The following MAST2 variants were observed in gnomAD, a reference collection of about 807,000 sequenced individuals.
MAST2 encodes the protein microtubule-associated serine/threonine-protein kinase 2.
Under a neutral mutation model 147.4 loss-of-function variants are expected in MAST2, and 70 were observed. That is an observed-to-expected ratio of 0.47 (90% CI 0.39 to 0.58). The LOEUF (loss-of-function observed/expected upper bound fraction) is 0.58. MAST2 is among the 20% of genes least tolerant of loss of function. The pLI, the probability that MAST2 is intolerant of heterozygous loss-of-function variation, is 0.00. For missense variants in MAST2, 2,080 were observed against 2,302.3 expected (o/e 0.90, Z 1.98); for synonymous variants, 869 against 896.8 (o/e 0.97, Z 0.55).
intron 19 of MAST2, 79 bp from the exon 20 acceptor site, chr1:46,029,752 C>G (rs1646562924): frequency 6.4e-7 from 1 of 1,555,238 alleles, no homozygotes; most frequent in African/African-American, 1.4e-5. Context: ...TTCTGAAGGT[C>G]TGGCTTCTTG....
In MAST2 at chr1:45,896,644, G is replaced by C. The variant is rs549901075; in HGVS notation, c.500+14249G>C. Reference sequence around the variant, plus strand: ...TTAAAGTGAAAGGAGAGCTGGAGAAGGTCAGAGGCCTGCCCCTGAGGCCTA... The same window carrying C: ...TTAAAGTGAAAGGAGAGCTGGAGAACGTCAGAGGCCTGCCCCTGAGGCCTA... On this transcript the variant is annotated intron_variant, in intron 4 of 28. Coordinates refer to ENST00000361297, the MANE Select transcript of MAST2 (RefSeq NM_015112.3). Among the ~76,000 whole-genome samples, 220 of 152,300 alleles carry C rather than the reference G, an allele frequency of 1.4e-3. 2 individuals are homozygous for C. Among genetic ancestry groups the C allele is most frequent in the Non-Finnish European group, 1.7e-3 (116 of 68,026 alleles).
At chr1:45,849,896 G>A (rs1187437988) in intron 3 of MAST2, among the ~76,000 whole-genome samples, 1 of 152,192 alleles carries the variant, frequency 6.6e-6, no homozygotes, top group Admixed American at 6.5e-5. Flanking sequence ...ATTGTGAATA[G>A]TGCTGTGATT....
At chr1:46,027,918 G>C in intron 17 of MAST2, 55 bp downstream of exon 17, 3 of 1,601,252 alleles carry the variant, frequency 1.9e-6, no homozygotes, top group Non-Finnish European at 2.6e-6. Context: ...TTGTCCTGGC[G>C]CAGTGTCTTA....
intron 4 of MAST2, among the ~76,000 whole-genome samples, chr1:45,898,267 C>CA (rs1415472498): frequency 1.3e-5 from 2 of 152,212 alleles, no homozygotes; most frequent in Non-Finnish European, 2.9e-5. Context: ...GAAAAAGTCC[C>CA]ACGTTAAGTA....
At chr1:46,009,032 T>C (rs1243643867) in intron 9 of MAST2, among the ~76,000 whole-genome samples, 6 of 152,188 alleles carry the variant, frequency 3.9e-5, no homozygotes, top group Non-Finnish European at 7.3e-5. Flanking sequence ...TATATGGAAC[T>C]AGGATCTTGT....
intron 4 of MAST2, among the ~76,000 whole-genome samples, chr1:45,886,880 G>A (rs868067872): frequency 6.6e-6 from 1 of 151,654 alleles, no homozygotes; most frequent in Non-Finnish European, 1.5e-5. Context: ...AGGCTGGAGT[G>A]CAGTGGCGCA....
intron 15 of MAST2, among the ~76,000 whole-genome samples, chr1:46,025,300 C>T (rs1218396810): frequency 6.6e-6 from 1 of 151,474 alleles, no homozygotes; most frequent in Admixed American, 6.6e-5. Context: ...GCCTGGGTGA[C>T]AGAGCAAGAC....
In MAST2 at chr1:45,997,605, G is replaced by C. The variant is rs184436540; in HGVS notation, c.593-119G>C. The C allele has an allele frequency of 4.3e-5, 32 of 743,320 alleles. No individual in the cohort carries two copies. The East Asian group carries it at 8.0e-4, about 18-fold the overall frequency. The allele number at this position is 743,320 out of a possible 1,614,324, so 46.0% of individuals were successfully genotyped here. ...GAAAGAGACTCATTAAACTGATAGT[G>C]GCCCTGAGAAAATAACCATATAATT... On this transcript the variant is annotated intron_variant, in intron 5 of 28. Coordinates refer to ENST00000361297, the MANE Select transcript of MAST2 (RefSeq NM_015112.3).
chr1:46,030,727 C>T lies in MAST2; in HGVS notation c.2674C>T (p.Arg892Ter), dbSNP rs2149333654. Residue 892 changes from arginine (R) to a stop codon, truncating the protein, a stop_gained, in exon 22 of 29, where the codon CGA becomes TGA. Coordinates refer to ENST00000361297, the MANE Select transcript of MAST2 (RefSeq NM_015112.3). LOFTEE classifies it high-confidence loss of function. ...AGATGGCCTGGCAGGGCTCAAAGGCCGAGACCGGAGCTGGGTGATTGGCTC... is the reference window on the plus strand; with the variant it reads ...AGATGGCCTGGCAGGGCTCAAAGGCTGAGACCGGAGCTGGGTGATTGGCTC... Reference protein sequence around the residue: ...HSDGLAGLKGRDRSWVIGSPE... With the variant: ...HSDGLAGLKG 2.5e-6 allele frequency: 4 copies of T among 1,596,640 alleles called. No homozygotes were observed. The highest frequency in any genetic ancestry group is 2.6e-6 in the Non-Finnish European group (3 of 1,174,130).
chr1:45,860,811 G>A (rs1570413680), intron 3 of MAST2, among the ~76,000 whole-genome samples: 1 of 151,774 alleles, frequency 6.6e-6, no homozygotes, highest in African/African-American at 2.4e-5. Context: ...CAGCCTGGGC[G>A]ACAAGAGCGA....
At chr1:45,998,469 G>A (rs1355845756) in intron 6 of MAST2, among the ~76,000 whole-genome samples, 3 of 152,254 alleles carry the variant, frequency 2.0e-5, no homozygotes, top group African/African-American at 7.2e-5. Flanking sequence ...CAGGCCTTTA[G>A]AGAAAGCTGA....
intron 3 of MAST2, among the ~76,000 whole-genome samples, chr1:45,870,627 A>G (rs955050388): frequency 6.6e-6 from 1 of 151,262 alleles, no homozygotes; most frequent in Non-Finnish European, 1.5e-5. Context: ...TTCATTATCA[A>G]GTATCAGTGG....
At chr1:45,850,887 G>A (rs1645604738) in intron 3 of MAST2, among the ~76,000 whole-genome samples, 1 of 147,802 alleles carries the variant, frequency 6.8e-6, no homozygotes, top group Admixed American at 6.8e-5. Context: ...ATAGTCTGAA[G>A]CTGGGTAATG....
At chr1:45,973,460 G>A (rs1394402404) in intron 5 of MAST2, among the ~76,000 whole-genome samples, 8 of 152,080 alleles carry the variant, frequency 5.3e-5, no homozygotes. Context: ...GGGAACCTTC[G>A]ATAACTATAT....
chr1:45,861,040 T>C (rs1557841739), intron 3 of MAST2, among the ~76,000 whole-genome samples: 2 of 152,198 alleles, frequency 1.3e-5, no homozygotes, highest in Admixed American at 6.5e-5. Context: ...CACTACAACC[T>C]GATAATTTTT....
In MAST2 at chr1:45,963,591, T is replaced by A. The variant is rs556960868; in HGVS notation, c.592+4114T>A. ...TCTGTTATTGATGTATAAGAATGCT[T>A]GTGGTTTTTGCACATTGATTTTGTT... On this transcript the variant is annotated intron_variant, in intron 5 of 28. Coordinates refer to ENST00000361297, the MANE Select transcript of MAST2 (RefSeq NM_015112.3). Among the ~76,000 whole-genome samples, 5 of 152,336 alleles carry A rather than the reference T, an allele frequency of 3.3e-5. No homozygotes were observed. The East Asian group carries it at 9.6e-4, about 29-fold the overall frequency.
intron 4 of MAST2, among the ~76,000 whole-genome samples, chr1:45,884,730 A>G (rs183313534): frequency 1.3e-5 from 2 of 152,306 alleles, no homozygotes; most frequent in East Asian, 3.9e-4. Context: ...CTTTAACATT[A>G]GAGGAGTCGA....
At chr1:46,002,933 TC>T (rs1386808128) in intron 7 of MAST2, 50 bp downstream of exon 7, 20 of 1,540,834 alleles carry the variant, frequency 1.3e-5, no homozygotes, top group Non-Finnish European at 1.8e-5. Flanking sequence ...AGGAAGTACT[TC>T]CCTTTGGGTT....
At chr1:46,016,656 CACTGCTCAGTGAA>C (rs201220265) in intron 10 of MAST2, among the ~76,000 whole-genome samples, 96,672 of 148,404 alleles carry the variant, frequency 0.65, 31,607 homozygotes, top group Non-Finnish European at 0.7. Flanking sequence ...AACTACAAAC[CACTGCTCAGTGAA>C]ATAGGATACA....
Sources: gnomAD v4.1 joint callset for allele counts (sites outside exome capture counted in the v4.1 genomes callset) on GRCh38, gnomAD v4.1.1 for gene constraint, MANE v1.5 for transcripts, NCBI Gene and HGNC (gene_info 2026-07-23, HGNC 2026-07-21) for gene names.